The following MAMDC2 variants were observed in gnomAD, a reference collection of about 807,000 sequenced individuals.
MAMDC2 encodes the protein MAM domain containing 2, also known as MAM domain-containing protein 2.
A neutral mutation model predicts 89.8 loss-of-function variants in MAMDC2; 57 were observed. The observed-to-expected ratio is 0.63, with a 90% CI of 0.51 to 0.79. The LOEUF (loss-of-function observed/expected upper bound fraction) is 0.79, where lower values mean the gene tolerates loss of function less well. Ranked by LOEUF, MAMDC2 falls within the 30% of genes least tolerant of loss-of-function variation. MAMDC2 has a pLI of 0.00. For missense variants in MAMDC2, 800 were observed against 820.6 expected, an observed-to-expected ratio of 0.97 and a Z score of 0.31; for synonymous variants, 313 against 293.4, an observed-to-expected ratio of 1.07 and a Z score of -0.68.
intron 8 of MAMDC2, 143 bp from the exon 9 acceptor site, chr9:70,143,411 C>A: frequency 1.1e-6 from 1 of 873,388 alleles, no homozygotes; most frequent in Non-Finnish European, 1.7e-6. Context: ...GTCACTTAAG[C>A]CACAGACATT....
chr9:70,190,930 A>T (rs1013065371), intron 11 of MAMDC2, among the ~76,000 whole-genome samples: 3 of 152,148 alleles, frequency 2.0e-5, no homozygotes, highest in African/African-American at 7.2e-5. Flanking sequence ...GGGAGCTCCA[A>T]ATCTGTTCTG....
Position 70,165,478 on chromosome 9 carries a change from G to A in MAMDC2, c.1405-3224G>A, listed in dbSNP as rs114412366. On this transcript the variant is annotated intron_variant, in intron 9 of 13. Transcript: ENST00000377182. The stretch of plus-strand genomic sequence containing the variant: ...CCAAGCAAATTTGGGGATTAAGGCC[G>A]TCATTTGAACCTAGTCAGTAGCTGA... 4.8e-3 allele frequency among the ~76,000 whole-genome samples: 728 copies of A among 152,284 alleles called. 7 individuals are homozygous for A. The highest frequency in any genetic ancestry group is 0.016 in the African/African-American group (667 of 41,554).
intron 11 of MAMDC2, among the ~76,000 whole-genome samples, chr9:70,179,574 A>G (rs1394345767): frequency 6.7e-6 from 1 of 150,226 alleles, no homozygotes; most frequent in Non-Finnish European, 1.5e-5. Flanking sequence ...TAAGGCATAG[A>G]TTCCCTTAAA....
chr9:70,104,376 C>A (rs925464580), intron 2 of MAMDC2, among the ~76,000 whole-genome samples: 1 of 152,180 alleles, frequency 6.6e-6, no homozygotes, highest in Non-Finnish European at 1.5e-5. Flanking sequence ...CTTGAGAAAG[C>A]AGTTTGGCAG....
chr9:70,092,891 T>C (rs143955633), intron 2 of MAMDC2: 3 of 152,342 alleles, frequency 2.0e-5, no homozygotes, highest in African/African-American at 7.2e-5. Flanking sequence ...TCATATCTTC[T>C]CTATAATGCA....
At chr9:70,055,703 T>C (rs186578872) in intron 2 of MAMDC2, among the ~76,000 whole-genome samples, 1 of 152,356 alleles carries the variant, frequency 6.6e-6, no homozygotes, top group African/African-American at 2.4e-5. Flanking sequence ...TTTACTAATT[T>C]CTTTTCCATA....
At chr9:70,199,398 G>A (rs895788418) in intron 11 of MAMDC2, among the ~76,000 whole-genome samples, 8 of 146,716 alleles carry the variant, frequency 5.5e-5, no homozygotes, top group Admixed American at 2.1e-4. Flanking sequence ...TTTTATGGCT[G>A]CATAGTATTC....
intron 9 of MAMDC2, among the ~76,000 whole-genome samples, chr9:70,144,337 G>C (rs2118421313): frequency 6.6e-6 from 1 of 152,296 alleles, no homozygotes; most frequent in Non-Finnish European, 1.5e-5. Context: ...ACCCTAGCCA[G>C]AGAGAATTTA....
chr9:70,074,491 G>T (rs948364225), intron 2 of MAMDC2, among the ~76,000 whole-genome samples: 1 of 152,242 alleles, frequency 6.6e-6, no homozygotes, highest in African/African-American at 2.4e-5. Flanking sequence ...ACCTGTCCCA[G>T]TGTGCAGAGG....
intron 2 of MAMDC2, among the ~76,000 whole-genome samples, chr9:70,059,601 CA>C (rs1032759297): frequency 2.6e-5 from 4 of 152,120 alleles, no homozygotes; most frequent in Admixed American, 6.5e-5. Context: ...ATCACAAAAC[CA>C]ACGCCATGTT....
chr9:70,124,530 G>A (rs952813175), intron 5 of MAMDC2, among the ~76,000 whole-genome samples: 1 of 152,082 alleles, frequency 6.6e-6, no homozygotes, highest in African/African-American at 2.4e-5. Context: ...CTGCCATGTT[G>A]AGATGAGGAC....
chr9:70,116,740 G>A (rs1236100170), intron 5 of MAMDC2, among the ~76,000 whole-genome samples: 2 of 150,814 alleles, frequency 1.3e-5, no homozygotes, highest in African/African-American at 4.9e-5. Context: ...CAAGGGGTGA[G>A]AAAAAGAGGC....
chr9:70,215,039 A>G (rs2033419112), intron 11 of MAMDC2, among the ~76,000 whole-genome samples: 4 of 152,212 alleles, frequency 2.6e-5, no homozygotes, highest in Admixed American at 2.6e-4. Context: ...TAAAGCCCTG[A>G]AACAAGATGA....
chr9:70,164,920 G>A (rs1289980446), intron 9 of MAMDC2, among the ~76,000 whole-genome samples: 2 of 150,610 alleles, frequency 1.3e-5, no homozygotes, highest in Non-Finnish European at 3.0e-5. Context: ...GATTATAGAT[G>A]TGAGCCTATA....
At chr9:70,089,180 C>T (rs1827834908) in intron 2 of MAMDC2, 2 of 152,142 alleles carry the variant, frequency 1.3e-5, no homozygotes, top group African/African-American at 4.8e-5. Context: ...TACCCCAGGA[C>T]TCATGGTTAA....
rs761809616 is a variant in MAMDC2 at position 70,108,478 on chromosome 9, T to C, written c.416T>C (p.Phe139Ser). Residue 139 changes from phenylalanine (F) to serine (S), a missense_variant, in exon 3 of 14, where the codon TTC becomes TCC. Phe to Ser is a radical substitution (Grantham distance 155, BLOSUM62 -2). Transcript: ENST00000377182. ...SLDLQNSSKK[F>S]KILIEGVLGQ... ...GATTTGCAAAACAGTTCCAAGAAATTCAAGGTAGGTGGAGTTTAGGAGAAA... is the reference window on the plus strand; with the variant it reads ...GATTTGCAAAACAGTTCCAAGAAATCCAAGGTAGGTGGAGTTTAGGAGAAA... 13 of 1,592,142 alleles carry C rather than the reference T, an allele frequency of 8.2e-6. No individual in the cohort carries two copies. In the Admixed American group the frequency reaches 1.6e-4, roughly 20 times the overall value.
intron 11 of MAMDC2, among the ~76,000 whole-genome samples, chr9:70,183,095 TTTG>T (rs2032679407): frequency 6.6e-6 from 1 of 152,188 alleles, no homozygotes; most frequent in Non-Finnish European, 1.5e-5. Context: ...CTGCTTTCAT[TTTG>T]TTGTTTTCCC....
At chr9:70,128,820 C>T (rs2030675033) in intron 6 of MAMDC2, among the ~76,000 whole-genome samples, 1 of 152,090 alleles carries the variant, frequency 6.6e-6, no homozygotes, top group African/African-American at 2.4e-5. Context: ...CCACACCCAG[C>T]TAATTTTTGT....
chr9:70,099,980 A>AAGAG (rs60292765), intron 2 of MAMDC2, among the ~76,000 whole-genome samples: 9,260 of 115,172 alleles, frequency 0.08, 498 homozygotes, highest in Admixed American at 0.13. Context: ...GCCAAAAAGA[A>AAGAG]AGAGAGAGAG....
Sources: gnomAD v4.1 joint callset for allele counts (sites outside exome capture counted in the v4.1 genomes callset) on GRCh38, gnomAD v4.1.1 for gene constraint, MANE v1.5 for transcripts, NCBI Gene and HGNC (gene_info 2026-07-23, HGNC 2026-07-21) for gene names.